Variants in EXOC4 observed in about 807,000 individuals in gnomAD.
The protein encoded by EXOC4 is SEC8-like 1.
EXOC4 carries 71 observed loss-of-function variants against 107.2 expected under a neutral mutation model. That is an observed-to-expected ratio of 0.66 (90% CI 0.55 to 0.81). EXOC4 has a LOEUF of 0.81. EXOC4 is among the 30% of genes least tolerant of loss of function. EXOC4 has a pLI of 0.00. For synonymous variants in EXOC4, 456 were observed against 441.2 expected (o/e 1.03, Z -0.42); for missense variants, 1,108 against 1,189.6 (o/e 0.93, Z 1.01).
At position 133,475,424 on chromosome 7, in the gene EXOC4, G is replaced by C. The variant is rs752662890; in HGVS notation, c.1279G>C (p.Ala427Pro). The part of the protein sequence containing the change: ...SYASTGREFA[A>P]FFAKKKPQRP... ...TGCCAGCACTGGACGAGAGTTTGCA[G>C]CCTTTTTTGCCAAGAAGAAACCTCA... Residue 427 changes from alanine to proline, a missense_variant, in exon 8 of 18, where the codon GCC becomes CCC. Coordinates refer to ENST00000253861, the MANE Select transcript of EXOC4 (RefSeq NM_021807.4). 4.9e-5 allele frequency: 79 copies of C among 1,613,918 alleles called. No homozygotes were observed. Among genetic ancestry groups the C allele is most frequent in the Admixed American group, 1.7e-4 (10 of 59,998 alleles).
At chr7:133,647,580 C>T (rs1803024570) in intron 10 of EXOC4, among the ~76,000 whole-genome samples, 2 of 152,098 alleles carry the variant, frequency 1.3e-5, no homozygotes, top group Admixed American at 6.5e-5. Context: ...CCTAGAGCCC[C>T]AACTCTTACC....
At chr7:133,341,253 G>T (rs1795654278) in intron 5 of EXOC4, among the ~76,000 whole-genome samples, 1 of 152,164 alleles carries the variant, frequency 6.6e-6, no homozygotes, top group South Asian at 2.1e-4. Context: ...TCAGTTCAAA[G>T]AATTTTCAGA....
chr7:134,000,551 C>G (rs1256204393), intron 15 of EXOC4, among the ~76,000 whole-genome samples: 1 of 152,052 alleles, frequency 6.6e-6, no homozygotes, highest in Non-Finnish European at 1.5e-5. Context: ...CAAAACAAAA[C>G]CTGTTGTCTT....
chr7:134,055,841 TAAATA>T (rs1320149675), intron 17 of EXOC4, among the ~76,000 whole-genome samples: 1 of 152,164 alleles, frequency 6.6e-6, no homozygotes, highest in African/African-American at 2.4e-5. Context: ...TAAAAATAAA[TAAATA>T]AATAAAGCTT....
At chr7:133,391,110 T>C (rs1303583519) in intron 7 of EXOC4, among the ~76,000 whole-genome samples, 1 of 152,224 alleles carries the variant, frequency 6.6e-6, no homozygotes, top group Non-Finnish European at 1.5e-5. Context: ...AAGAGTTGTG[T>C]CACATAAGTG....
chr7:133,819,702 A>G (rs774804869), intron 11 of EXOC4, among the ~76,000 whole-genome samples: 1 of 152,140 alleles, frequency 6.6e-6, no homozygotes, highest in African/African-American at 2.4e-5. Flanking sequence ...GTGTCACGCT[A>G]TATGCCATAC....
chr7:133,735,967 A>G (rs999898086), intron 10 of EXOC4, among the ~76,000 whole-genome samples: 1 of 151,996 alleles, frequency 6.6e-6, no homozygotes, highest in African/African-American at 2.4e-5. Flanking sequence ...GTGCATGCCT[A>G]TAGTCTCAGC....
At position 133,660,980 on chromosome 7, in the gene EXOC4, G is replaced by A. The variant is rs1031012706; in HGVS notation, c.1514+30839G>A. 3.3e-5 allele frequency among the ~76,000 whole-genome samples: 5 copies of A among 152,232 alleles called. No homozygotes were observed. In the South Asian group the frequency reaches 8.3e-4, roughly 25 times the overall value. On this transcript the variant is annotated intron_variant, in intron 10 of 17. Coordinates refer to ENST00000253861, the MANE Select transcript of EXOC4 (RefSeq NM_021807.4). ...CAGAAATCTGAGAAAGAGATAAAGT[G>A]GTTTGCTCAAGGTTATAGAACAGAC...
chr7:133,536,851 TGGGGCAGGCAGCAGGAAGTAGAC>T (rs1378569285), intron 9 of EXOC4, among the ~76,000 whole-genome samples: 2 of 151,974 alleles, frequency 1.3e-5, no homozygotes, highest in Non-Finnish European at 2.9e-5. Flanking sequence ...AGGAAGTAGA[TGGGGCAGGCAGCAGGAAGTAGAC>T]GGGGCAAAAG....
chr7:133,662,278 G>A (rs112104554), intron 10 of EXOC4, among the ~76,000 whole-genome samples: 179 of 152,184 alleles, frequency 1.2e-3, no homozygotes, highest in African/African-American at 4.0e-3. Flanking sequence ...CCGTATTAAG[G>A]GTGAGAGAAG....
At chr7:133,706,439 A>G (rs1254839561) in intron 10 of EXOC4, among the ~76,000 whole-genome samples, 1 of 152,224 alleles carries the variant, frequency 6.6e-6, no homozygotes, top group East Asian at 1.9e-4. Context: ...ACAAGTCATC[A>G]TTAGACATGG....
chr7:133,452,539 C>T (rs1481618622), intron 7 of EXOC4, among the ~76,000 whole-genome samples: 1 of 149,700 alleles, frequency 6.7e-6, no homozygotes, highest in African/African-American at 2.5e-5. Flanking sequence ...TAGCCTCTGC[C>T]ATCCTCATGC....
chr7:133,714,986 C>G (rs1216158757), intron 10 of EXOC4, among the ~76,000 whole-genome samples: 1 of 152,130 alleles, frequency 6.6e-6, no homozygotes, highest in Admixed American at 6.5e-5. Context: ...TCTTATGGTT[C>G]TAATACCTGA....
chr7:133,513,055 A>G (rs1323490926), intron 9 of EXOC4, among the ~76,000 whole-genome samples: 2 of 152,192 alleles, frequency 1.3e-5, no homozygotes, highest in Non-Finnish European at 2.9e-5. Context: ...CAGTGAGCCG[A>G]GATCGCGCCA....
intron 10 of EXOC4, among the ~76,000 whole-genome samples, chr7:133,680,517 A>G (rs531877569): frequency 1.6e-4 from 25 of 152,326 alleles, no homozygotes; most frequent in Non-Finnish European, 2.8e-4. Flanking sequence ...TAAACCAATT[A>G]CTTTTTGCAG....
chr7:134,031,765 AC>A (rs778825175), intron 17 of EXOC4, among the ~76,000 whole-genome samples: 1 of 152,184 alleles, frequency 6.6e-6, no homozygotes, highest in African/African-American at 2.4e-5. Flanking sequence ...TGAATCTAAG[AC>A]TCCATTATAA....
At chr7:134,094,727 CAAA>C in the EXOC4 span, among the ~76,000 whole-genome samples, 1 of 151,986 alleles carries the variant, frequency 6.6e-6, no homozygotes, top group Non-Finnish European at 1.5e-5. Context: ...GAATTGAAAA[CAAA>C]AACCATATGA....
intron 9 of EXOC4, among the ~76,000 whole-genome samples, chr7:133,575,347 G>A (rs1801106096): frequency 6.6e-6 from 1 of 152,150 alleles, no homozygotes; most frequent in Non-Finnish European, 1.5e-5. Context: ...AGACTAGAAG[G>A]CATAATCCAT....
intron 13 of EXOC4, among the ~76,000 whole-genome samples, chr7:133,919,489 A>G (rs932582375): frequency 2.6e-5 from 4 of 152,162 alleles, no homozygotes; most frequent in African/African-American, 4.8e-5. Context: ...ATGCAGAATA[A>G]TAATTTTGCT....
Sources: allele counts gnomAD v4.1 joint callset (sites outside exome capture counted in the v4.1 genomes callset), GRCh38; gene constraint gnomAD v4.1.1; transcripts MANE v1.5; gene names NCBI Gene and HGNC (gene_info 2026-07-23, HGNC 2026-07-21).